TMEM178A: variants seen among roughly 807,000 people sequenced by gnomAD.
TMEM178A encodes transmembrane protein 178.
Under a neutral mutation model 29.1 loss-of-function variants are expected in TMEM178A, and 12 were observed. The observed-to-expected ratio is 0.41, with a 90% confidence interval of 0.26 to 0.67. The LOEUF is 0.67. TMEM178A is among the 30% of genes least tolerant of loss of function. TMEM178A has a pLI of 0.29. For missense variants in TMEM178A, 366 were observed against 419.1 expected (o/e 0.87, Z 1.11); for synonymous variants, 210 against 187.2 (o/e 1.12, Z -0.99).
At chr2:39,666,547 T>C (rs750219988) in intron 1 of TMEM178A, among the ~76,000 whole-genome samples, 173 bp downstream of exon 1, 10 of 152,002 alleles carry the variant, frequency 6.6e-5, no homozygotes, top group Non-Finnish European at 1.3e-4. Context: ...CTTTCCCCAC[T>C]GCCTCCCTTC....
chr2:39,693,273 C>A (rs1671401539), intron 1 of TMEM178A, among the ~76,000 whole-genome samples: 2 of 152,184 alleles, frequency 1.3e-5, no homozygotes, highest in South Asian at 4.1e-4. Flanking sequence ...TAGCATTAGA[C>A]CCATGTACTA....
chr2:39,702,806 C>A lies in TMEM178A; in HGVS notation c.401-1275C>A, dbSNP rs114115281. ...TCTCAAAGGGAGATTCAGAGACTAC[C>A]TGCATCAGAATTACTTGGGATGCTT... On this transcript the variant is annotated intron_variant, in intron 1 of 3. Transcript: ENST00000281961. 2.0e-4 allele frequency among the ~76,000 whole-genome samples: 30 copies of A among 152,132 alleles called. No individual in the cohort carries two copies. In the East Asian group the frequency reaches 2.3e-3, roughly 12 times the overall value.
downstream of TMEM178A, among the ~76,000 whole-genome samples, chr2:39,718,219 T>G (rs1558469293): frequency 6.6e-6 from 1 of 152,160 alleles, no homozygotes; most frequent in Non-Finnish European, 1.5e-5. Context: ...TTCTCTCATT[T>G]TCCCCTCTCT....
Position 39,666,359 on chromosome 2 carries a change from A to G in TMEM178A, c.385A>G (p.Thr129Ala). 1 of 1,422,336 alleles carries G rather than the reference A, an allele frequency of 7.0e-7. No individual in the cohort carries two copies. Among genetic ancestry groups the G allele is most frequent in the Non-Finnish European group, 9.2e-7 (1 of 1,085,070 alleles). The allele number at this position is 1,422,336 out of a possible 1,614,324, so 88.1% of individuals were successfully genotyped here. Residue 129 changes from threonine (T) to alanine (A), a missense_variant, in exon 1 of 4, where the codon ACC becomes GCC. Thr to Ala is a moderately conservative substitution (Grantham distance 58, BLOSUM62 0). Transcript: ENST00000281961. ...YFLGIDRDID[T>A]LILKGIAQRC... is the part of the protein sequence containing the mutation. Reference sequence around the variant, plus strand: ...CCTGGGCATCGACCGGGACATCGACACCCTCATCCTGAAAGGTGAGCGGCG... The same window carrying G: ...CCTGGGCATCGACCGGGACATCGACGCCCTCATCCTGAAAGGTGAGCGGCG...
chr2:39,700,111 G>T (rs1378088094), intron 1 of TMEM178A, among the ~76,000 whole-genome samples: 4 of 152,148 alleles, frequency 2.6e-5, no homozygotes, highest in Non-Finnish European at 5.9e-5. Flanking sequence ...AGAAGAATGT[G>T]TATTTTGCTG....
At chr2:39,731,015 G>A in the TMEM178A span, among the ~76,000 whole-genome samples, 8 of 152,256 alleles carry the variant, frequency 5.3e-5, no homozygotes, top group South Asian at 2.1e-4. Context: ...CCATCATGCC[G>A]TAAGGCCTTA....
chr2:39,692,146 G>A (rs1361802462), intron 1 of TMEM178A, among the ~76,000 whole-genome samples: 1 of 152,174 alleles, frequency 6.6e-6, no homozygotes, highest in African/African-American at 2.4e-5. Flanking sequence ...TTACCAGAGG[G>A]TAGAATGGTG....
intron 1 of TMEM178A, among the ~76,000 whole-genome samples, chr2:39,695,252 A>G (rs1671485390): frequency 6.6e-6 from 1 of 152,126 alleles, no homozygotes; most frequent in Non-Finnish European, 1.5e-5. Flanking sequence ...TGTTTAGGAA[A>G]TGGTGTAGCC....
intron 1 of TMEM178A, among the ~76,000 whole-genome samples, chr2:39,699,501 G>A (rs1671688389): frequency 6.6e-6 from 1 of 150,824 alleles, no homozygotes; most frequent in Non-Finnish European, 1.5e-5. Context: ...CTGTCACCCA[G>A]GCTGGAGTGC....
At chr2:39,721,985 CAAAAAAAAAAAAA>C (rs57605942), downstream of TMEM178A, among the ~76,000 whole-genome samples, 5 of 40,072 alleles carry the variant, frequency 1.2e-4, no homozygotes, top group Non-Finnish European at 2.1e-4. Context: ...AGACCAGTCT[CAAAAAAAAAAAAA>C]AAAAAAAAAA....
At chr2:39,702,332 T>C (rs1265845765) in intron 1 of TMEM178A, among the ~76,000 whole-genome samples, 1 of 152,162 alleles carries the variant, frequency 6.6e-6, no homozygotes, top group African/African-American at 2.4e-5. Flanking sequence ...GAAATGTTCT[T>C]AGCCTGCTAA....
chr2:39,710,943 G>T (rs1672273515), intron 3 of TMEM178A, among the ~76,000 whole-genome samples: 1 of 152,260 alleles, frequency 6.6e-6, no homozygotes, highest in East Asian at 1.9e-4. Flanking sequence ...CACACAGACA[G>T]GTCTTGATTA....
the TMEM178A span, among the ~76,000 whole-genome samples, chr2:39,731,605 T>G: frequency 1.3e-5 from 2 of 152,202 alleles, no homozygotes; most frequent in Non-Finnish European, 2.9e-5. Flanking sequence ...ATGAGGGATA[T>G]CTACCGACAT....
chr2:39,687,009 G>C (rs1389531137), intron 1 of TMEM178A, among the ~76,000 whole-genome samples: 17 of 108,730 alleles, frequency 1.6e-4, no homozygotes, highest in African/African-American at 5.8e-4. Context: ...GTGTGTGTGT[G>C]TGTGTGTATT....
chr2:39,723,343 G>C, the TMEM178A span, among the ~76,000 whole-genome samples: 1 of 152,102 alleles, frequency 6.6e-6, no homozygotes, highest in East Asian at 1.9e-4. Flanking sequence ...AATTGTTGAA[G>C]TTTTCTCATT....
intron 3 of TMEM178A, among the ~76,000 whole-genome samples, chr2:39,709,049 T>G (rs980115499): frequency 2.0e-5 from 3 of 152,236 alleles, no homozygotes; most frequent in African/African-American, 7.2e-5. Flanking sequence ...CAAGTGACTA[T>G]GCCTAGATTT....
chr2:39,681,796 C>A (rs1167433967), intron 1 of TMEM178A, among the ~76,000 whole-genome samples: 1 of 152,130 alleles, frequency 6.6e-6, no homozygotes, highest in Non-Finnish European at 1.5e-5. Flanking sequence ...TCTCACAAAA[C>A]TCAGAGCAGT....
chr2:39,698,725 A>G (rs1671659878), intron 1 of TMEM178A, among the ~76,000 whole-genome samples: 1 of 149,698 alleles, frequency 6.7e-6, no homozygotes, highest in South Asian at 2.1e-4. Flanking sequence ...TGAAGAGTCT[A>G]TGAAGGTTGT....
intron 2 of TMEM178A, among the ~76,000 whole-genome samples, chr2:39,705,599 C>G (rs777563285): frequency 6.6e-6 from 1 of 152,182 alleles, no homozygotes; most frequent in East Asian, 1.9e-4. Flanking sequence ...GAAATACTCT[C>G]TTTTAATTTG....
Sources: allele counts gnomAD v4.1 joint callset (sites outside exome capture counted in the v4.1 genomes callset), GRCh38; gene constraint gnomAD v4.1.1; transcripts MANE v1.5; gene names NCBI Gene and HGNC (gene_info 2026-07-23, HGNC 2026-07-21).